Variants in ALPL observed in about 807,000 individuals in gnomAD.
The protein encoded by ALPL is alkaline phosphatase, tissue-nonspecific isozyme.
Under a neutral mutation model 51.3 loss-of-function variants are expected in ALPL, and 42 were observed. That is an observed-to-expected ratio of 0.82 (90% CI 0.64 to 1.06). The LOEUF (loss-of-function observed/expected upper bound fraction) is 1.06. Among genes scored for constraint, ALPL ranks in the 50% least tolerant of loss-of-function variants. The pLI is 0.00. For synonymous variants in ALPL, 279 were observed against 296.4 expected (o/e 0.94, Z 0.60); for missense variants, 589 against 709.4 (o/e 0.83, Z 1.93).
At chr1:21,568,004 C>T in intron 6 of ALPL, 100 bp from the exon 7 acceptor site, 2 of 1,541,346 alleles carry the variant, frequency 1.3e-6, no homozygotes, top group Non-Finnish European at 9.0e-7. Context: ...GTGTCCACAC[C>T]ATCTCCAGGG....
intron 2 of ALPL, among the ~76,000 whole-genome samples, chr1:21,556,596 C>T (rs189591952): frequency 2.0e-5 from 3 of 151,548 alleles, no homozygotes; most frequent in East Asian, 1.9e-4. Flanking sequence ...GAGCTATAAT[C>T]AAACCACTCC....
intron 10 of ALPL, 63 bp from the exon 11 acceptor site, chr1:21,576,455 ATCTG>A: frequency 2.5e-6 from 4 of 1,582,628 alleles, no homozygotes; most frequent in Non-Finnish European, 3.4e-6. Flanking sequence ...AAGGAGCCTA[ATCTG>A]GGGGCTGGGG....
chr1:21,524,134 G>T (rs1376373312), intron 1 of ALPL, among the ~76,000 whole-genome samples: 1 of 151,436 alleles, frequency 6.6e-6, no homozygotes, highest in Non-Finnish European at 1.5e-5. Context: ...CTACTGAGTA[G>T]CTGGGATTAC....
intron 2 of ALPL, among the ~76,000 whole-genome samples, chr1:21,556,039 C>T (rs965970892): frequency 7.9e-5 from 12 of 152,180 alleles, no homozygotes; most frequent in African/African-American, 2.7e-4. Flanking sequence ...TCCTAAAGTG[C>T]TGGGATTACA....
chr1:21,517,392 A>G (rs1037471398), intron 1 of ALPL, among the ~76,000 whole-genome samples: 2 of 152,226 alleles, frequency 1.3e-5, no homozygotes, highest in Admixed American at 6.5e-5. Context: ...AGGGTTGCCC[A>G]ATCAGATTGG....
chr1:21,566,900 C>T (rs1570282191), intron 6 of ALPL, among the ~76,000 whole-genome samples: 1 of 152,142 alleles, frequency 6.6e-6, no homozygotes. Flanking sequence ...CCTGGCCAGT[C>T]GCATTTTATG....
At chr1:21,517,883 C>G (rs780056012) in intron 1 of ALPL, among the ~76,000 whole-genome samples, 7 of 152,006 alleles carry the variant, frequency 4.6e-5, no homozygotes, top group Admixed American at 1.3e-4. Flanking sequence ...TCCCAGATTC[C>G]TTCTAAGTAC....
chr1:21,523,427 TA>T (rs1478681782), intron 1 of ALPL, among the ~76,000 whole-genome samples: 1 of 152,236 alleles, frequency 6.6e-6, no homozygotes, highest in African/African-American at 2.4e-5. Flanking sequence ...CCTCCTTCTG[TA>T]AAGACTCGTG....
intron 6 of ALPL, among the ~76,000 whole-genome samples, chr1:21,567,385 A>G (rs1182927592): frequency 1.9e-5 from 2 of 102,690 alleles, no homozygotes; most frequent in Non-Finnish European, 3.7e-5. Flanking sequence ...GTCTGCCCGC[A>G]CACACCAGCT....
intron 10 of ALPL, 78 bp from the exon 11 acceptor site, chr1:21,576,444 C>G: frequency 6.3e-7 from 1 of 1,577,778 alleles, no homozygotes; most frequent in East Asian, 2.3e-5. Flanking sequence ...ACCAAGCCAC[C>G]AAGGAGCCTA....
Position 21,575,860 on chromosome 1 carries a change from C to A in ALPL, c.1125C>A (p.Val375=). The A allele has an allele frequency of 6.2e-7, 1 of 1,614,216 alleles. No individual in the cohort carries two copies. The highest frequency in any genetic ancestry group is 1.1e-5 in the South Asian group (1 of 91,080). ...LTSSEDTLTV[V]TADHSHVFTF... ...CCTCGGAAGACACTCTGACCGTGGT[C>A]ACTGCGGACCATTCCCACGTCTTCA... Residue 375 remains valine (V), a synonymous_variant, in exon 10 of 12, where the codon GTC becomes GTA. Transcript: ENST00000374840.
chr1:21,553,968 T>C lies in ALPL; in HGVS notation c.-104-10T>C. The stretch of plus-strand genomic sequence containing the variant: ...CCACATGCCTCTTTTTCTCTTTTTT[T>C]AATTTCTAGGATTGGAACATCAGTT... On this transcript the variant is annotated splice_polypyrimidine_tract_variant and intron_variant, in intron 1 of 11. Coordinates refer to ENST00000374840, the MANE Select transcript of ALPL (RefSeq NM_000478.6). 1.1e-6 allele frequency: 1 copy of C among 912,432 alleles called. No individual in the cohort carries two copies. The allele number at this position is 912,432 out of a possible 1,614,324, so 56.5% of individuals were successfully genotyped here.
Position 21,563,268 on chromosome 1 carries a change from C to T in ALPL, c.456C>T (p.Arg152=), listed in dbSNP as rs527613008. ...GGAACGAGGTCACCTCCATCCTGCG[C>T]TGGGCCAAGGACGCTGGTGAGTCGG... ...TQGNEVTSIL[R]WAKDAGKSVG... is the part of the protein sequence containing the mutation. Residue 152 remains arginine (R), a synonymous_variant, in exon 5 of 12, where the codon CGC becomes CGT. Transcript: ENST00000374840. 8 of 1,612,190 alleles carry T rather than the reference C, an allele frequency of 5.0e-6. No individual in the cohort carries two copies. The highest frequency in any genetic ancestry group is 4.4e-5 in the South Asian group (4 of 91,002).
intron 1 of ALPL, among the ~76,000 whole-genome samples, chr1:21,541,153 C>T (rs903985311): frequency 1.3e-5 from 2 of 152,160 alleles, no homozygotes; most frequent in Admixed American, 6.5e-5. Context: ...CATCCGTTCT[C>T]TGCTCCAGCC....
chr1:21,565,692 CCTTT>C (rs1267168847), intron 6 of ALPL, among the ~76,000 whole-genome samples: 5 of 151,886 alleles, frequency 3.3e-5, no homozygotes, highest in African/African-American at 1.2e-4. Flanking sequence ...TGTGAGGATC[CCTTT>C]CTTTCCTCCT....
At chr1:21,561,278 T>C in intron 4 of ALPL, 66 bp downstream of exon 4, 1 of 1,414,190 alleles carries the variant, frequency 7.1e-7, no homozygotes, top group Non-Finnish European at 9.8e-7. Flanking sequence ...CATCTGAACA[T>C]GACAGCAGCC....
intron 4 of ALPL, 59 bp downstream of exon 4, chr1:21,561,271 C>T: frequency 6.9e-7 from 1 of 1,442,310 alleles, no homozygotes; most frequent in Non-Finnish European, 9.6e-7. Context: ...GGTCGAGCAT[C>T]TGAACATGAC....
intron 1 of ALPL, among the ~76,000 whole-genome samples, chr1:21,532,164 A>G (rs550565273): frequency 6.6e-6 from 1 of 152,238 alleles, no homozygotes; most frequent in Admixed American, 6.5e-5. Context: ...AGTCAGTGGT[A>G]TTAGAATAAA....
At chr1:21,526,945 A>T (rs956723750) in intron 1 of ALPL, among the ~76,000 whole-genome samples, 3 of 151,902 alleles carry the variant, frequency 2.0e-5, no homozygotes, top group African/African-American at 7.3e-5. Context: ...AGCCCCCATG[A>T]TGTCACATGA....
Sources: allele counts gnomAD v4.1 joint callset (sites outside exome capture counted in the v4.1 genomes callset), GRCh38; gene constraint gnomAD v4.1.1; transcripts MANE v1.5; gene names NCBI Gene and HGNC (gene_info 2026-07-23, HGNC 2026-07-21).